Variants in SMARCD3 observed in about 807,000 individuals in gnomAD.
SMARCD3 encodes the protein SWI/SNF-related matrix-associated actin-dependent regulator of chromatin subfamily D member 3.
SMARCD3 carries 14 observed loss-of-function variants against 58.0 expected under a neutral mutation model. The ratio of observed to expected loss-of-function variants is 0.24; its 90% CI spans 0.16 to 0.38. SMARCD3 has a LOEUF of 0.38. SMARCD3 is among the 10% of genes least tolerant of loss of function. The probability of loss-of-function intolerance (pLI) is 1.00; values close to 1 mark genes in which losing one functional copy is unlikely to be tolerated. For synonymous variants in SMARCD3, 253 were observed against 253.8 expected, an observed-to-expected ratio of 1.00 and a Z score of 0.03; for missense variants, 408 against 636.9, an observed-to-expected ratio of 0.64 and a Z score of 3.87.
rs183543043 is a variant in SMARCD3 at position 151,272,298 on chromosome 7, G to A, written c.39+2816C>T. Among the ~76,000 whole-genome samples, 7 of 152,258 alleles carry A rather than the reference G, an allele frequency of 4.6e-5. No homozygotes were observed. In the East Asian group the frequency reaches 9.6e-4, roughly 21 times the overall value. On this transcript the variant is annotated intron_variant, in intron 2 of 13. Transcript: ENST00000356800. ...GCTGGCATCGGGGTCTCTGGGCCTC[G>A]TGGTTTGCATTTGGTGCAGTAGCCA... is the stretch of plus-strand genomic sequence containing the variant.
chr7:151,249,122 C>A (rs1156902461), upstream of SMARCD3: 1 of 152,044 alleles, frequency 6.6e-6, no homozygotes, highest in Non-Finnish European at 1.5e-5. The surrounding 1 kb of genome is among the most constrained non-coding windows in gnomAD (Gnocchi z 4.8). Context: ...GCGGCTCCTG[C>A]TGCATTTCTG....
chr7:151,271,266 A>G (rs756397458), intron 2 of SMARCD3, among the ~76,000 whole-genome samples: 2 of 152,174 alleles, frequency 1.3e-5, no homozygotes, highest in Admixed American at 6.5e-5. Flanking sequence ...CCCTGTGGCC[A>G]GCATTCCTCT....
intron 2 of SMARCD3, among the ~76,000 whole-genome samples, chr7:151,271,206 A>G (rs1795165303): frequency 6.6e-6 from 1 of 152,076 alleles, no homozygotes; most frequent in African/African-American, 2.4e-5. Context: ...CAGCCGCACA[A>G]TCCCTTTCCC....
At position 151,240,100 on chromosome 7, in the gene SMARCD3, C is replaced by T; in HGVS notation, c.1173+12G>A. The T allele has an allele frequency of 6.2e-7, 1 of 1,613,690 alleles. No individual in the cohort carries two copies. The highest frequency in any genetic ancestry group is 8.5e-7 in the Non-Finnish European group (1 of 1,179,956). On this transcript the variant is annotated intron_variant, in intron 10 of 12. Coordinates refer to ENST00000262188, the MANE Select transcript of SMARCD3 (RefSeq NM_001003801.2). The stretch of plus-strand genomic sequence containing the variant: ...GTTAATGTCCCACTCCAGCTCTGGG[C>T]TTGGGCCCCACCTTACTGTCCAGAG...
At position 151,245,184 on chromosome 7, in the gene SMARCD3, G is replaced by C. The variant is rs1241214217; in HGVS notation, c.290+276C>G. ...CCAGAACCTGATGGGTGGAGAGAAG[G>C]ACTGAGCAGGTGACAAGGAGAAGGG... On this transcript the variant is annotated intron_variant, in intron 2 of 12. Coordinates refer to ENST00000262188, the MANE Select transcript of SMARCD3 (RefSeq NM_001003801.2). This position sits in a 1 kb window ranked among gnomAD's most constrained non-coding sequence, Gnocchi z 6.2. 2.0e-5 allele frequency among the ~76,000 whole-genome samples: 3 copies of C among 152,020 alleles called. No homozygotes were observed. The East Asian group carries it at 5.8e-4, about 29-fold the overall frequency.
Position 151,242,481 on chromosome 7 carries a change from A to C in SMARCD3, c.579T>G (p.Asp193Glu). 1 of 1,613,304 alleles carries C rather than the reference A, an allele frequency of 6.2e-7. No individual in the cohort carries two copies. The highest frequency in any genetic ancestry group is 1.1e-5 in the South Asian group (1 of 91,078). The change falls in exon 5 of 13, where the codon GAT (aspartate) becomes GAG (glutamate). Residue 193 changes from aspartate to glutamate, a missense_variant and splice_region_variant. Physicochemically the swap from Asp to Glu is conservative, Grantham distance 45. Around this residue, in one of 4 missense-constraint regions of SMARCD3, gnomAD observed 128 missense variants for 188.8 expected, o/e 0.68. Coordinates refer to ENST00000262188, the MANE Select transcript of SMARCD3 (RefSeq NM_001003801.2). The surrounding 1 kb of genome is among the most constrained non-coding windows in gnomAD (Gnocchi z 4.7). ...ELRVEGKLLD[D>E]PSKQKRKFSS... ...TGGAGAGACCTGGGCCGGGACGTAC[A>C]TCATCCAGGAGCTTCCCCTCCACCC...
intron 1 of SMARCD3, chr7:151,275,289 T>A: frequency 2.7e-6 from 2 of 754,546 alleles, no homozygotes; most frequent in Non-Finnish European, 4.6e-6. Flanking sequence ...CCAGCGTAGA[T>A]TCAAGGAGGC....
At chr7:151,273,613 A>C (rs1795245578) in intron 2 of SMARCD3, among the ~76,000 whole-genome samples, 1 of 152,236 alleles carries the variant, frequency 6.6e-6, no homozygotes, top group African/African-American at 2.4e-5. Context: ...CTGAGCAACC[A>C]GTCCCCAGTT....
rs780550540 is a variant in SMARCD3, at chr7:151,248,478, C to G, written c.78+7G>C. On this transcript the variant is annotated splice_region_variant and intron_variant, in intron 1 of 12. Coordinates refer to ENST00000262188, the MANE Select transcript of SMARCD3 (RefSeq NM_001003801.2). This position sits in a 1 kb window ranked among gnomAD's most constrained non-coding sequence, Gnocchi z 6.1. ...TTGCCCTCCCCCGCTAACTTTCCCC[C>G]ACTCACCACCCCATGGACCAGAAAC... is the stretch of plus-strand genomic sequence containing the variant. 2.3e-5 allele frequency: 37 copies of G among 1,609,758 alleles called. 1 individual carries two copies. The highest frequency in any genetic ancestry group is 5.0e-5 in the Admixed American group (3 of 59,856).
In SMARCD3 at chr7:151,245,684, G is replaced by A; in HGVS notation, c.79-13C>T. On this transcript the variant is annotated splice_polypyrimidine_tract_variant and intron_variant, in intron 1 of 12. Transcript: ENST00000262188. This position sits in a 1 kb window ranked among gnomAD's most constrained non-coding sequence, Gnocchi z 6.2. Reference sequence around the variant, plus strand: ...GCATCCCGGGGCGCTGGGGGTGGGCGGGGGTGAAGCAGAAACGGGCGCCCG... The same window carrying A: ...GCATCCCGGGGCGCTGGGGGTGGGCAGGGGTGAAGCAGAAACGGGCGCCCG... 1 of 851,578 alleles carries A rather than the reference G, an allele frequency of 1.2e-6. No homozygotes were observed. The highest frequency in any genetic ancestry group is 1.6e-6 in the Non-Finnish European group (1 of 641,410). The allele number at this position is 851,578 out of a possible 1,614,324, so 52.8% of individuals were successfully genotyped here. A position where few individuals can be genotyped will look rare whatever the true frequency, so the allele number is the denominator to read the frequency against.
At chr7:151,244,787 A>G (rs1758908301) in intron 2 of SMARCD3, among the ~76,000 whole-genome samples, 1 of 152,206 alleles carries the variant, frequency 6.6e-6, no homozygotes, top group African/African-American at 2.4e-5. Flanking sequence ...AAGCATGTGT[A>G]TTTGGCTAAA....
intron 2 of SMARCD3, among the ~76,000 whole-genome samples, chr7:151,266,256 C>G (rs970002761): frequency 2.0e-5 from 3 of 152,028 alleles, no homozygotes; most frequent in Non-Finnish European, 4.4e-5. Context: ...AGGCGTGAGC[C>G]ACCGCACCCG....
At position 151,239,206 on chromosome 7, in the gene SMARCD3, T is replaced by G; in HGVS notation, c.1399-50A>C. The stretch of plus-strand genomic sequence containing the variant: ...CAGGTGTCAGTGTTCTGGTGAGTGA[T>G]CAGGACAATCCCACCTACTGACACC... On this transcript the variant is annotated intron_variant, in intron 12 of 12. Coordinates refer to ENST00000262188, the MANE Select transcript of SMARCD3 (RefSeq NM_001003801.2). This position sits in a 1 kb window ranked among gnomAD's most constrained non-coding sequence, Gnocchi z 7.0. 1.3e-6 allele frequency: 2 copies of G among 1,583,508 alleles called. No individual in the cohort carries two copies. Among genetic ancestry groups the G allele is most frequent in the Non-Finnish European group, 8.7e-7 (1 of 1,152,196 alleles).
chr7:151,271,382 A>C (rs1023908447), intron 2 of SMARCD3, among the ~76,000 whole-genome samples: 2 of 152,070 alleles, frequency 1.3e-5, no homozygotes, highest in Non-Finnish European at 2.9e-5. Flanking sequence ...CTTGGGCCTC[A>C]GGTTCAAGCC....
Position 151,240,116 on chromosome 7 carries a change from C to T in SMARCD3, c.1169G>A (p.Ser390Asn). ...ANQQEISALDSKIHETIESIN... is the reference protein window; with the variant it reads ...ANQQEISALDNKIHETIESIN... ...AGCTCTGGGCTTGGGCCCCACCTTA[C>T]TGTCCAGAGCACTGATCTCCTGCTG... The change falls in exon 10 of 13, where the codon AGT becomes AAT. Residue 390 changes from serine to asparagine, a missense_variant. Coordinates refer to ENST00000262188, the MANE Select transcript of SMARCD3 (RefSeq NM_001003801.2). 1 of 1,613,908 alleles carries T rather than the reference C, an allele frequency of 6.2e-7. No individual in the cohort carries two copies. Among genetic ancestry groups the T allele is most frequent in the Non-Finnish European group, 8.5e-7 (1 of 1,179,964 alleles).
intron 2 of SMARCD3, among the ~76,000 whole-genome samples, chr7:151,265,515 A>C (rs1415130799): frequency 6.6e-6 from 1 of 152,158 alleles, no homozygotes; most frequent in African/African-American, 2.4e-5. Flanking sequence ...CAACACCCCC[A>C]CAGCTCTGCT....
chr7:151,270,736 C>T (rs536863363), intron 2 of SMARCD3, among the ~76,000 whole-genome samples: 17 of 152,212 alleles, frequency 1.1e-4, no homozygotes, highest in African/African-American at 1.7e-4. Context: ...AAGTGGAAGG[C>T]GGAACAAATC....
chr7:151,258,360 T>A (rs563160455), intron 2 of SMARCD3, among the ~76,000 whole-genome samples: 7 of 151,290 alleles, frequency 4.6e-5, no homozygotes, highest in African/African-American at 1.5e-4. Flanking sequence ...AGGTCAGGAG[T>A]TCGAGAGCAG....
chr7:151,245,015 G>T lies in SMARCD3; in HGVS notation c.290+445C>A, dbSNP rs1803186384. On this transcript the variant is annotated intron_variant, in intron 2 of 12. Transcript: ENST00000262188. The surrounding 1 kb of genome is among the most constrained non-coding windows in gnomAD (Gnocchi z 6.2). Reference sequence around the variant, plus strand: ...ACCCCCATGGTCAGAGAGTCCCATTGAGAAAATCTGGAGTGGCTTTGAAAC... The same window carrying T: ...ACCCCCATGGTCAGAGAGTCCCATTTAGAAAATCTGGAGTGGCTTTGAAAC... Among the ~76,000 whole-genome samples the T allele has an allele frequency of 1.3e-5, 2 of 152,210 alleles. No individual in the cohort carries two copies. The highest frequency in any genetic ancestry group is 2.9e-5 in the Non-Finnish European group (2 of 68,038).
Sources: allele counts gnomAD v4.1 joint callset (sites outside exome capture counted in the v4.1 genomes callset), GRCh38; gene constraint gnomAD v4.1.1; regional missense constraint gnomAD v4.1.1; non-coding constraint Gnocchi (gnomAD v3.1); transcripts MANE v1.5; gene names NCBI Gene and HGNC (gene_info 2026-07-23, HGNC 2026-07-21).